ITGA1: variants seen among roughly 807,000 people sequenced by gnomAD.
The protein encoded by ITGA1 is integrin alpha-1.
ITGA1 carries 85 observed loss-of-function variants against 145.9 expected under a neutral mutation model. The observed-to-expected ratio is 0.58, with a 90% CI of 0.49 to 0.70. The LOEUF is 0.70. Among genes scored for constraint, ITGA1 ranks in the 30% least tolerant of loss-of-function variants. ITGA1 has a pLI of 0.00. For missense variants in ITGA1, 1,351 were observed against 1,418.7 expected, an observed-to-expected ratio of 0.95 and a Z score of 0.77; for synonymous variants, 520 against 495.3, an observed-to-expected ratio of 1.05 and a Z score of -0.66.
At chr5:52,928,034 A>G (rs1413079885) in intron 20 of ITGA1, among the ~76,000 whole-genome samples, 1 of 152,160 alleles carries the variant, frequency 6.6e-6, no homozygotes, top group African/African-American at 2.4e-5. Flanking sequence ...GTGTTTCCAG[A>G]CACTGAATCT....
At chr5:52,898,610 G>A (rs1157285842) in intron 11 of ITGA1, among the ~76,000 whole-genome samples, 2 of 152,008 alleles carry the variant, frequency 1.3e-5, no homozygotes, top group African/African-American at 2.4e-5. Context: ...CTAATGCAGG[G>A]AATGGTTTAG....
chr5:52,939,786 G>T, intron 25 of ITGA1, 54 bp from the exon 26 acceptor site: 1 of 1,332,490 alleles, frequency 7.5e-7, no homozygotes, highest in African/African-American at 1.5e-5. Flanking sequence ...TTTAAATATA[G>T]ATATTTGATA....
intron 27 of ITGA1, among the ~76,000 whole-genome samples, chr5:52,946,378 T>C (rs1490348572): frequency 1.3e-5 from 2 of 152,212 alleles, no homozygotes; most frequent in Non-Finnish European, 2.9e-5. Flanking sequence ...TGTTTTGTTT[T>C]GTTTTGTTTT....
intron 21 of ITGA1, chr5:52,931,361 T>C (rs1004061096): frequency 6.6e-6 from 1 of 152,200 alleles, no homozygotes; most frequent in Non-Finnish European, 1.5e-5. Flanking sequence ...AAGAACAATC[T>C]CATTCTCTGG....
At chr5:52,947,554 A>C in intron 28 of ITGA1, 93 bp downstream of exon 28, 1 of 730,972 alleles carries the variant, frequency 1.4e-6, no homozygotes, top group Non-Finnish European at 2.4e-6. Flanking sequence ...GTAATATAGT[A>C]TTATTACAGC....
intron 7 of ITGA1, among the ~76,000 whole-genome samples, chr5:52,883,640 T>A (rs1750000850): frequency 6.6e-6 from 1 of 152,212 alleles, no homozygotes; most frequent in Non-Finnish European, 1.5e-5. Flanking sequence ...TGTGTGTGTG[T>A]GTTCCCTTCT....
chr5:52,817,224 G>T (rs769114654), intron 1 of ITGA1, among the ~76,000 whole-genome samples: 2 of 152,106 alleles, frequency 1.3e-5, no homozygotes, highest in Non-Finnish European at 2.9e-5. Context: ...TATAACAAAA[G>T]GGCTGAATAC....
chr5:52,944,486 A>G, intron 26 of ITGA1, among the ~76,000 whole-genome samples: 1 of 152,096 alleles, frequency 6.6e-6, no homozygotes, highest in East Asian at 1.9e-4. Context: ...ATCTGCCCAA[A>G]TTATATTATT....
intron 12 of ITGA1, among the ~76,000 whole-genome samples, chr5:52,908,645 GA>G: frequency 6.6e-6 from 1 of 152,272 alleles, no homozygotes; most frequent in Non-Finnish European, 1.5e-5. Context: ...GAAATCTAAA[GA>G]AATTCATTTT....
chr5:52,936,681 C>T (rs906033406), intron 23 of ITGA1, among the ~76,000 whole-genome samples: 15 of 152,204 alleles, frequency 9.9e-5, no homozygotes, highest in Admixed American at 2.0e-4. Flanking sequence ...GTTCAGTTTC[C>T]TGTTGAACTT....
In ITGA1 at chr5:52,794,072, G is replaced by A. The variant is rs536316258; in HGVS notation, c.61+5658G>A. On this transcript the variant is annotated intron_variant, in intron 1 of 28. Transcript: ENST00000282588. Reference sequence around the variant, plus strand: ...GGTTGGTGTTAGGAATTCACTTTATGTGTTAAAAAAAATCAATTTTATCCA... The same window carrying A: ...GGTTGGTGTTAGGAATTCACTTTATATGTTAAAAAAAATCAATTTTATCCA... Among the ~76,000 whole-genome samples, 82 of 151,956 alleles carry A rather than the reference G, an allele frequency of 5.4e-4. 1 individual carries two copies. The highest frequency in any genetic ancestry group is 1.8e-3 in the African/African-American group (73 of 41,462).
In ITGA1 at chr5:52,958,698, C is replaced by A. The variant is rs1694557639; in HGVS notation, c.*6247C>A. The A allele has an allele frequency of 6.6e-6, 1 of 152,140 alleles. No individual in the cohort carries two copies. The highest frequency in any genetic ancestry group is 2.4e-5 in the African/African-American group (1 of 41,444). 9.4% of individuals were successfully genotyped at this position (152,140 alleles called of 1,614,324 possible). On this transcript the variant is annotated 3_prime_UTR_variant, in exon 29 of 29. Transcript: ENST00000282588. ...AATGGACAGTGTAAAGAATTGTATT[C>A]ATTTTATTAGCAAGAAAAATATTGC...
At chr5:52,858,336 T>C (rs1434132338) in intron 2 of ITGA1, among the ~76,000 whole-genome samples, 1 of 152,228 alleles carries the variant, frequency 6.6e-6, no homozygotes, top group Non-Finnish European at 1.5e-5. Context: ...GCAGTTATAC[T>C]GAGCTACTTG....
chr5:52,928,523 C>G (rs2111884464), intron 20 of ITGA1, among the ~76,000 whole-genome samples: 1 of 152,290 alleles, frequency 6.6e-6, no homozygotes, highest in South Asian at 2.1e-4. Context: ...GTCATTACGA[C>G]AATTGATTTT....
Position 52,953,942 on chromosome 5 carries a change from T to C in ITGA1, c.*1491T>C, listed in dbSNP as rs958517581. 2 of 124,804 alleles carry C rather than the reference T, an allele frequency of 1.6e-5. No homozygotes were observed. The highest frequency in any genetic ancestry group is 5.5e-5 in the African/African-American group (2 of 36,292). 7.7% of individuals were successfully genotyped at this position (124,804 alleles called of 1,614,324 possible). On this transcript the variant is annotated 3_prime_UTR_variant, in exon 29 of 29. Transcript: ENST00000282588. ...GCAAATCCACATAGAAATTAAATGT[T>C]ATAAATTTATTTTTTTAAACTAATT...
intron 12 of ITGA1, among the ~76,000 whole-genome samples, chr5:52,906,994 T>C (rs1158927473): frequency 6.6e-6 from 1 of 152,236 alleles, no homozygotes. Context: ...CAAGAGTAAC[T>C]GCACTCTGGG....
intron 26 of ITGA1, among the ~76,000 whole-genome samples, chr5:52,942,553 C>T (rs1439982252): frequency 5.7e-5 from 8 of 139,530 alleles, no homozygotes; most frequent in Admixed American, 1.5e-4. Flanking sequence ...TTTTTTGAGA[C>T]GGAGTCTCGC....
intron 14 of ITGA1, among the ~76,000 whole-genome samples, chr5:52,915,007 A>C (rs1283521163): frequency 6.6e-6 from 1 of 152,138 alleles, no homozygotes; most frequent in Non-Finnish European, 1.5e-5. Flanking sequence ...ATTTGATGGG[A>C]TGTGTTATTT....
intron 6 of ITGA1, among the ~76,000 whole-genome samples, chr5:52,870,079 G>T (rs927768115): frequency 3.5e-4 from 53 of 152,306 alleles, no homozygotes; most frequent in African/African-American, 1.2e-3. Context: ...GTGCTGAAAA[G>T]CATGCTTATC....
Sources: gnomAD v4.1 joint callset for allele counts (sites outside exome capture counted in the v4.1 genomes callset) on GRCh38, gnomAD v4.1.1 for gene constraint, MANE v1.5 for transcripts, NCBI Gene and HGNC (gene_info 2026-07-23, HGNC 2026-07-21) for gene names.